The following CTPS1 variants were observed in gnomAD, a reference collection of about 807,000 sequenced individuals.
The protein encoded by CTPS1 is CTP synthetase 1.
In CTPS1, 25 loss-of-function variants were observed where a neutral mutation model predicts 80.5. The observed-to-expected ratio is 0.31, with a 90% CI of 0.23 to 0.43. The LOEUF is 0.43. Ranked by LOEUF, CTPS1 falls within the 20% of genes least tolerant of loss-of-function variation. The pLI, the probability that CTPS1 is intolerant of heterozygous loss-of-function variation, is 1.00. For missense variants in CTPS1, 442 were observed against 725.7 expected (o/e 0.61, Z 4.49); for synonymous variants, 267 against 252.5 (o/e 1.06, Z -0.54).
chr1:40,999,084 A>G (rs1047226177), intron 9 of CTPS1, among the ~76,000 whole-genome samples: 7 of 152,354 alleles, frequency 4.6e-5, no homozygotes, highest in Admixed American at 2.6e-4. Context: ...GAAGGAGCAC[A>G]TAGGAGAGGC....
chr1:41,007,568 C>A lies in CTPS1; in HGVS notation c.1393+23C>A, dbSNP rs1282568805. 1 of 1,605,130 alleles carries A rather than the reference C, an allele frequency of 6.2e-7. No individual in the cohort carries two copies. The highest frequency in any genetic ancestry group is 1.1e-5 in the South Asian group (1 of 90,806). ...TGAGTAAGAGCTGCCTCACGCTGGCCCAGCCTTTGGCTCTGCGTGCCCAGG... is the reference window on the plus strand; with the variant it reads ...TGAGTAAGAGCTGCCTCACGCTGGCACAGCCTTTGGCTCTGCGTGCCCAGG... On this transcript the variant is annotated intron_variant, in intron 14 of 18. Transcript: ENST00000650070. The surrounding 1 kb of genome is among the most constrained non-coding windows in gnomAD (Gnocchi z 4.4).
intron 1 of CTPS1, among the ~76,000 whole-genome samples, chr1:40,982,324 C>G (rs759744483): frequency 6.6e-6 from 1 of 152,156 alleles, no homozygotes; most frequent in Non-Finnish European, 1.5e-5. Context: ...TTTACAGTCT[C>G]TCTTCATTGC....
chr1:41,011,097 C>A (rs1193264804), intron 18 of CTPS1, among the ~76,000 whole-genome samples: 7 of 152,220 alleles, frequency 4.6e-5, no homozygotes, highest in Non-Finnish European at 8.8e-5. Context: ...GGTGCTGGGT[C>A]AGTGCCGGTC....
chr1:40,997,161 C>G (rs1301153073), intron 8 of CTPS1: 2 of 472,460 alleles, frequency 4.2e-6, no homozygotes, highest in Non-Finnish European at 7.5e-6. Flanking sequence ...GAGGCAGGGT[C>G]TCACACTGTT....
At chr1:40,984,732 T>C (rs938949732) in intron 2 of CTPS1, 89 bp from the exon 3 acceptor site, 17 of 1,042,282 alleles carry the variant, frequency 1.6e-5, no homozygotes, top group African/African-American at 3.2e-5. Context: ...TTGCACACCT[T>C]GTTAATGAGT....
rs1231818056 is a variant in CTPS1 at position 41,011,935 on chromosome 1, C to G, written c.*287C>G. The G allele has an allele frequency of 6.6e-6, 1 of 152,114 alleles. No individual in the cohort carries two copies. Among genetic ancestry groups the G allele is most frequent in the African/African-American group, 2.4e-5 (1 of 41,414 alleles). 9.4% of individuals were successfully genotyped at this position (152,114 alleles called of 1,614,324 possible). On this transcript the variant is annotated 3_prime_UTR_variant, in exon 19 of 19. Coordinates refer to ENST00000650070, the MANE Select transcript of CTPS1 (RefSeq NM_001905.4). ...TGGGGCTGCAGAGTGCCCCATCGGT[C>G]ACCTTGTTTCTCAACTACCTCGCAT...
intron 12 of CTPS1, among the ~76,000 whole-genome samples, chr1:41,005,296 T>A (rs1259406983): frequency 3.9e-5 from 6 of 152,046 alleles, no homozygotes; most frequent in Non-Finnish European, 5.9e-5. Context: ...AATACAAAGT[T>A]AGCTGGGCAT....
At chr1:40,992,415 C>G (rs1642636044) in intron 7 of CTPS1, among the ~76,000 whole-genome samples, 1 of 152,062 alleles carries the variant, frequency 6.6e-6, no homozygotes. Flanking sequence ...AGGGCAAGGG[C>G]CACCTCATTC....
At chr1:40,992,110 CTA>C (rs1215959485) in intron 7 of CTPS1, among the ~76,000 whole-genome samples, 1 of 152,200 alleles carries the variant, frequency 6.6e-6, no homozygotes, top group Non-Finnish European at 1.5e-5. Flanking sequence ...TCCACTCTCC[CTA>C]TGATTGTACT....
At position 41,012,182 on chromosome 1, in the gene CTPS1, C is replaced by T. The variant is rs1411629124; in HGVS notation, c.*534C>T. 1 of 152,176 alleles carries T rather than the reference C, an allele frequency of 6.6e-6. No homozygotes were observed. Among genetic ancestry groups the T allele is most frequent in the African/African-American group, 2.4e-5 (1 of 41,432 alleles). The allele number at this position is 152,176 out of a possible 1,614,324, so 9.4% of individuals were successfully genotyped here. ...GGGGAATTCTCAGTGCCAACTGTGGCTGGTCCTCATTCAAAGGGACGGTCA... is the reference window on the plus strand; with the variant it reads ...GGGGAATTCTCAGTGCCAACTGTGGTTGGTCCTCATTCAAAGGGACGGTCA... On this transcript the variant is annotated 3_prime_UTR_variant, in exon 19 of 19. Coordinates refer to ENST00000650070, the MANE Select transcript of CTPS1 (RefSeq NM_001905.4).
At chr1:40,996,714 G>T (rs563084227) in intron 8 of CTPS1, among the ~76,000 whole-genome samples, 2 of 152,076 alleles carry the variant, frequency 1.3e-5, no homozygotes, top group African/African-American at 4.8e-5. Flanking sequence ...TTTCCTTTCA[G>T]TCTTTGTCTG....
At chr1:40,999,970 C>T (rs557325291) in intron 9 of CTPS1, among the ~76,000 whole-genome samples, 5 of 152,058 alleles carry the variant, frequency 3.3e-5, no homozygotes, top group African/African-American at 7.2e-5. Flanking sequence ...GTCAACATAG[C>T]GAGACCCCCG....
intron 7 of CTPS1, among the ~76,000 whole-genome samples, chr1:40,994,063 G>C (rs983385225): frequency 6.6e-6 from 1 of 152,116 alleles, no homozygotes; most frequent in African/African-American, 2.4e-5. Context: ...ACAGGTGTGA[G>C]CCACCGCACC....
intron 18 of CTPS1, among the ~76,000 whole-genome samples, chr1:41,011,386 A>C (rs1040006454): frequency 1.3e-5 from 2 of 152,230 alleles, no homozygotes; most frequent in African/African-American, 4.8e-5. Flanking sequence ...CTGCCTCGCA[A>C]GTGGAGAATT....
At chr1:40,984,776 T>C in intron 2 of CTPS1, 45 bp from the exon 3 acceptor site, 1 of 1,387,752 alleles carries the variant, frequency 7.2e-7, no homozygotes, top group Non-Finnish European at 9.6e-7. Flanking sequence ...TGCCATGGTA[T>C]AGGTATTTTT....
At chr1:41,009,125 A>G (rs1456079868) in intron 16 of CTPS1, among the ~76,000 whole-genome samples, 1 of 152,102 alleles carries the variant, frequency 6.6e-6, no homozygotes, top group Non-Finnish European at 1.5e-5. Flanking sequence ...TCCTTCTCCA[A>G]AATGCTTGGA....
chr1:40,983,909 T>G (rs1348483861), intron 2 of CTPS1, among the ~76,000 whole-genome samples: 1 of 152,212 alleles, frequency 6.6e-6, no homozygotes, highest in Non-Finnish European at 1.5e-5. Flanking sequence ...CCCGACTGCC[T>G]TTTACTTCTT....
intron 3 of CTPS1, among the ~76,000 whole-genome samples, chr1:40,985,217 C>T (rs929636115): frequency 2.6e-5 from 4 of 152,218 alleles, no homozygotes; most frequent in African/African-American, 9.6e-5. Context: ...ACTACTTCTT[C>T]GTTGAAGCTT....
chr1:40,983,002 T>C (rs1642358476), intron 1 of CTPS1, among the ~76,000 whole-genome samples: 1 of 152,274 alleles, frequency 6.6e-6, no homozygotes, highest in Non-Finnish European at 1.5e-5. Context: ...AGGTTGACTC[T>C]GAAGGTTATT....
Sources: allele counts gnomAD v4.1 joint callset (sites outside exome capture counted in the v4.1 genomes callset), GRCh38; gene constraint gnomAD v4.1.1; non-coding constraint Gnocchi (gnomAD v3.1); transcripts MANE v1.5; gene names NCBI Gene and HGNC (gene_info 2026-07-23, HGNC 2026-07-21).